Variants in NDUFAF1 observed in about 807,000 individuals in gnomAD.
The protein encoded by NDUFAF1 is complex I intermediate-associated protein 30, mitochondrial.
A neutral mutation model predicts 28.7 loss-of-function variants in NDUFAF1; 18 were observed. The observed-to-expected ratio is 0.63, with a 90% CI of 0.43 to 0.93. NDUFAF1 has a LOEUF of 0.93. Among genes scored for constraint, NDUFAF1 ranks in the 40% least tolerant of loss-of-function variants. The pLI is 0.00. For synonymous variants in NDUFAF1, 113 were observed against 139.7 expected, an observed-to-expected ratio of 0.81 and a Z score of 1.35; for missense variants, 404 against 398.3, an observed-to-expected ratio of 1.01 and a Z score of -0.12.
intron 1 of NDUFAF1, among the ~76,000 whole-genome samples, chr15:41,399,515 C>G (rs1803370454): frequency 6.6e-6 from 1 of 150,924 alleles, no homozygotes; most frequent in African/African-American, 2.4e-5. Flanking sequence ...CAAGACTGCA[C>G]CATCGCACTC....
Position 41,392,869 on chromosome 15 carries a change from G to A in NDUFAF1, c.759+1990C>T, listed in dbSNP as rs146131454. ...AACTATGCTTCAGAAAGATAACTCT[G>A]GCTGCTGTGGAGCCAGGATTTTAGT... On this transcript the variant is annotated intron_variant, in intron 3 of 4. Coordinates refer to ENST00000260361, the MANE Select transcript of NDUFAF1 (RefSeq NM_016013.4). Among the ~76,000 whole-genome samples the A allele has an allele frequency of 3.2e-4, 49 of 152,224 alleles. No individual in the cohort carries two copies. The East Asian group carries it at 8.5e-3, about 26-fold the overall frequency.
chr15:41,390,011 G>A (rs900541405), intron 3 of NDUFAF1, among the ~76,000 whole-genome samples: 8 of 151,850 alleles, frequency 5.3e-5, no homozygotes, highest in African/African-American at 1.9e-4. Context: ...CCAGGCTGAA[G>A]TGCATGCAGT....
chr15:41,399,342 G>A (rs2050430990), intron 1 of NDUFAF1, among the ~76,000 whole-genome samples: 1 of 151,762 alleles, frequency 6.6e-6, no homozygotes, highest in Non-Finnish European at 1.5e-5. Flanking sequence ...GTTGCAGTGA[G>A]CCGAGATCGT....
In NDUFAF1 at chr15:41,397,615, C is replaced by T. The variant is rs533359319; in HGVS notation, c.-81-475G>A. ...GAAATCGAGACCATCCTGGCTAACACGGTGAAACCCCGTCTCTACTAAAAA... is the reference window on the plus strand; with the variant it reads ...GAAATCGAGACCATCCTGGCTAACATGGTGAAACCCCGTCTCTACTAAAAA... On this transcript the variant is annotated intron_variant, in intron 1 of 4. Coordinates refer to ENST00000260361, the MANE Select transcript of NDUFAF1 (RefSeq NM_016013.4). Among the ~76,000 whole-genome samples, 1,088 of 151,330 alleles carry T rather than the reference C, an allele frequency of 7.2e-3. 21 individuals are homozygous for T. Among genetic ancestry groups the T allele is most frequent in the African/African-American group, 0.025 (1,017 of 40,974 alleles).
intron 2 of NDUFAF1, 128 bp from the exon 3 acceptor site, chr15:41,395,172 G>C: frequency 1.3e-6 from 1 of 795,790 alleles, no homozygotes; most frequent in South Asian, 1.5e-5. Context: ...CCATAAGAAG[G>C]CACATAAACC....
Position 41,397,084 on chromosome 15 carries a change from T to C in NDUFAF1, c.-25A>G, listed in dbSNP as rs1314552977. 1.2e-6 allele frequency: 2 copies of C among 1,609,126 alleles called. No individual in the cohort carries two copies. On this transcript the variant is annotated 5_prime_UTR_variant, in exon 2 of 5. Transcript: ENST00000260361. Reference sequence around the variant, plus strand: ...TGGTACAAAAAAATCAAAATGTAAGTTTCTTCCTGGGCTAGCAAGGGCCAC... The same window carrying C: ...TGGTACAAAAAAATCAAAATGTAAGCTTCTTCCTGGGCTAGCAAGGGCCAC...
rs1595405491 is a variant in NDUFAF1 at position 41,394,424 on chromosome 15, C to A, written c.759+435G>T. On this transcript the variant is annotated intron_variant, in intron 3 of 4. Coordinates refer to ENST00000260361, the MANE Select transcript of NDUFAF1 (RefSeq NM_016013.4). ...AAACCCCATCTATTTGGACACAGAGCAGAGATGTGCCTGTGACTTAGCATG... is the reference window on the plus strand; with the variant it reads ...AAACCCCATCTATTTGGACACAGAGAAGAGATGTGCCTGTGACTTAGCATG... 3.2e-6 allele frequency: 4 copies of A among 1,264,646 alleles called. No homozygotes were observed. The East Asian group carries it at 2.2e-4, about 71-fold the overall frequency. The allele number at this position is 1,264,646 out of a possible 1,614,324, so 78.3% of individuals were successfully genotyped here.
chr15:41,390,110 C>A (rs1187556459), intron 3 of NDUFAF1, among the ~76,000 whole-genome samples: 1 of 152,020 alleles, frequency 6.6e-6, no homozygotes, highest in Non-Finnish European at 1.5e-5. Flanking sequence ...ACTAAAGGCA[C>A]ATGCCACCAC....
intron 3 of NDUFAF1, chr15:41,394,437 G>T (rs983708178): frequency 4.1e-6 from 5 of 1,210,522 alleles, no homozygotes; most frequent in Admixed American, 4.6e-5. Context: ...AGATGTGCCT[G>T]TGACTTAGCA....
intron 4 of NDUFAF1, among the ~76,000 whole-genome samples, chr15:41,387,853 G>A (rs1225443712): frequency 6.6e-6 from 1 of 152,010 alleles, no homozygotes; most frequent in Non-Finnish European, 1.5e-5. Flanking sequence ...TCGTGGCTCA[G>A]GCCTGTAATC....
At chr15:41,398,376 A>T (rs1031854459) in intron 1 of NDUFAF1, among the ~76,000 whole-genome samples, 2 of 150,366 alleles carry the variant, frequency 1.3e-5, no homozygotes, top group African/African-American at 4.9e-5. Context: ...CCCAGCTACT[A>T]GGGAGCCTTA....
At chr15:41,397,879 G>C (rs1440985755) in intron 1 of NDUFAF1, among the ~76,000 whole-genome samples, 2 of 150,836 alleles carry the variant, frequency 1.3e-5, no homozygotes, top group Admixed American at 1.3e-4. Context: ...ACAAAACTTA[G>C]CTGGGTGTGG....
intron 3 of NDUFAF1, among the ~76,000 whole-genome samples, chr15:41,392,458 A>G (rs986745957): frequency 2.0e-5 from 3 of 152,128 alleles, no homozygotes; most frequent in Non-Finnish European, 4.4e-5. Context: ...CTCATCTTGA[A>G]TTGTAGTAAT....
chr15:41,398,290 G>A (rs1479655293), intron 1 of NDUFAF1, among the ~76,000 whole-genome samples: 12 of 151,114 alleles, frequency 7.9e-5, no homozygotes, highest in East Asian at 5.9e-4. Flanking sequence ...TAAGGAGTTC[G>A]AGACCAGCCT....
At chr15:41,387,714 G>A in intron 4 of NDUFAF1, 121 bp from the exon 5 acceptor site, 2 of 755,836 alleles carry the variant, frequency 2.6e-6, no homozygotes, top group East Asian at 2.7e-5. Context: ...TCAGCCCTTA[G>A]CAAATACTAC....
At chr15:41,400,688 A>ATTTTTTTTTTT (rs58010983) in intron 1 of NDUFAF1, among the ~76,000 whole-genome samples, 19 of 97,816 alleles carry the variant, frequency 1.9e-4, no homozygotes, top group African/African-American at 6.4e-4. Context: ...ATGCCCAGCT[A>ATTTTTTTTTTT]TTTTTTTTTT....
At position 41,396,956 on chromosome 15, in the gene NDUFAF1, T is replaced by G. The variant is rs2050397578; in HGVS notation, c.104A>C (p.Tyr35Ser). The change falls in exon 2 of 5, where the codon TAT becomes TCT. Residue 35 changes from tyrosine to serine, a missense_variant. Physicochemically the swap from Tyr to Ser is moderately radical, Grantham distance 144 (BLOSUM62 -2). Transcript: ENST00000260361. ...CACTGGTTTCTGAAGACTACTGGAA[T>G]ACTCTGCAAAGCGAATACCCAAAAA... ...YPFLGIRFAE[Y>S]SSSLQKPVAS... 2.5e-6 allele frequency: 4 copies of G among 1,612,950 alleles called. 1 individual carries two copies. In the African/African-American group the frequency reaches 4.0e-5, roughly 16 times the overall value.
At position 41,387,446 on chromosome 15, in the gene NDUFAF1, A is replaced by G. The variant is rs776884730; in HGVS notation, c.982T>C (p.Ter328GlnextTer11). 1 of 1,613,352 alleles carries G rather than the reference A, an allele frequency of 6.2e-7. No homozygotes were observed. Among genetic ancestry groups the G allele is most frequent in the South Asian group, 1.1e-5 (1 of 91,068 alleles). ...AAAACAAAACTACCATATGATCTTT[A>G]TTTAAAAAGCCTTGGGTTAAGCTCT... ...SPELNPRLFK[*>Q] The change falls in exon 5 of 5, where the codon TAA becomes CAA. Residue 328 changes from the stop codon to glutamine (Q), a stop_lost. Coordinates refer to ENST00000260361, the MANE Select transcript of NDUFAF1 (RefSeq NM_016013.4).
In NDUFAF1 at chr15:41,387,365, A is replaced by G. The variant is rs1180671353; in HGVS notation, c.*79T>C. The G allele has an allele frequency of 7.1e-7, 1 of 1,415,496 alleles. No homozygotes were observed. The allele number at this position is 1,415,496 out of a possible 1,614,324, so 87.7% of individuals were successfully genotyped here. Reference sequence around the variant, plus strand: ...TACTAGCCATTGGTTGGATGCCATTAAAGAAATATTTTATTTTGTCTATAT... The same window carrying G: ...TACTAGCCATTGGTTGGATGCCATTGAAGAAATATTTTATTTTGTCTATAT... On this transcript the variant is annotated 3_prime_UTR_variant, in exon 5 of 5. Coordinates refer to ENST00000260361, the MANE Select transcript of NDUFAF1 (RefSeq NM_016013.4).
Sources: gnomAD v4.1 joint callset for allele counts (sites outside exome capture counted in the v4.1 genomes callset) on GRCh38, gnomAD v4.1.1 for gene constraint, MANE v1.5 for transcripts, NCBI Gene and HGNC (gene_info 2026-07-23, HGNC 2026-07-21) for gene names.